The following ARAF variants were observed in gnomAD, a reference collection of about 807,000 sequenced individuals.
The protein encoded by ARAF is serine/threonine-protein kinase A-Raf.
A neutral mutation model predicts 48.0 loss-of-function variants in ARAF; 18 were observed. The ratio of observed to expected loss-of-function variants is 0.37; its 90% confidence interval spans 0.26 to 0.56. The LOEUF is 0.56. Ranked by LOEUF, ARAF falls within the 20% of genes least tolerant of loss-of-function variation. ARAF has a pLI of 0.77. For missense variants in ARAF, 389 were observed against 543.1 expected, an observed-to-expected ratio of 0.72 and a Z score of 2.82; for synonymous variants, 207 against 220.1, an observed-to-expected ratio of 0.94 and a Z score of 0.53.
rs755898303 is a variant in ARAF, at chrX:47,569,973, C to T, written c.1500C>T (p.Tyr500=). The T allele has an allele frequency of 5.0e-5, 60 of 1,202,725 alleles. No homozygotes were observed. Among genetic ancestry groups the T allele is most frequent in the Non-Finnish European group, 6.4e-5 (57 of 892,025 alleles). The change falls in exon 14 of 16, where the codon TAC becomes TAT. Residue 500 remains tyrosine (Y), a synonymous_variant. Transcript: ENST00000377045. Reference sequence around the variant, plus strand: ...TCTATGCCTACGGGGTTGTGCTCTACGAGCTTATGACTGGCTCACTGCCTT... The same window carrying T: ...TCTATGCCTACGGGGTTGTGCTCTATGAGCTTATGACTGGCTCACTGCCTT... The part of the protein sequence containing the change: ...SDVYAYGVVL[Y]ELMTGSLPYS...
intron 6 of ARAF, 63 bp from the exon 7 acceptor site, chrX:47,566,576 G>C (rs1401265356): frequency 9.3e-7 from 1 of 1,079,554 alleles, no homozygotes. Flanking sequence ...GCTGGGGGTG[G>C]GGTGGGGGGC....
At chrX:47,571,110 AGTGTGTGTGTGTGTGT>A (rs34644595) in intron 15 of ARAF, 98 bp downstream of exon 15, 8 of 816,952 alleles carry the variant, frequency 9.8e-6, no homozygotes, top group African/African-American at 4.6e-5. Flanking sequence ...TCAGAGGTAT[AGTGTGTGTGTGTGTGT>A]GTGTGTGTGT....
chrX:47,566,671 T>C lies in ARAF; in HGVS notation c.590T>C (p.Phe197Ser). ...ACCCAGCACTGTGACCCGGAGCACTTCCCCTTCCCTGCCCCAGCCAATGCC... is the reference window on the plus strand; with the variant it reads ...ACCCAGCACTGTGACCCGGAGCACTCCCCCTTCCCTGCCCCAGCCAATGCC... Reference protein sequence around the residue: ...PRTQHCDPEHFPFPAPANAPL... With the variant: ...PRTQHCDPEHSPFPAPANAPL... Residue 197 changes from phenylalanine (F) to serine (S), a missense_variant, in exon 7 of 16, where the codon TTC becomes TCC. By Grantham distance (155) the Phe-to-Ser change is radical. Transcript: ENST00000377045. 1 of 1,183,694 alleles carries C rather than the reference T, an allele frequency of 8.4e-7. No individual in the cohort carries two copies. The highest frequency in any genetic ancestry group is 1.1e-6 in the Non-Finnish European group (1 of 880,240).
chrX:47,567,538 T>G (rs2057739163), intron 10 of ARAF, 106 bp downstream of exon 10: 1 of 892,928 alleles, frequency 1.1e-6, no homozygotes, highest in Non-Finnish European at 1.6e-6. Flanking sequence ...TGTGTTTGTG[T>G]TGTTAAACCA....
chrX:47,567,423 A>G lies in ARAF; in HGVS notation c.1067A>G (p.Gln356Arg). Residue 356 changes from glutamine to arginine, a missense_variant, in exon 10 of 16, where the codon CAG (glutamine) becomes CGG (arginine). This residue lies in a region of ARAF where 170 missense variants were observed against 281.4 expected (regional missense o/e 0.60). Transcript: ENST00000377045. ...GCCCAGGCTTTCAAGAATGAGATGC[A>G]GGTGCTCAGGTGAGGTGGCATGTGT... ...EQAQAFKNEM[Q>R]VLRKTRHVNI... 8.3e-7 allele frequency: 1 copy of G among 1,201,406 alleles called. No individual in the cohort carries two copies. Among genetic ancestry groups the G allele is most frequent in the South Asian group, 1.8e-5 (1 of 55,379 alleles).
intron 14 of ARAF, 112 bp from the exon 15 acceptor site, chrX:47,570,766 C>T (rs2858769): frequency 0.39 from 291,210 of 739,413 alleles, 41,269 homozygotes; most frequent in South Asian, 0.5. Context: ...TTGATACTGA[C>T]AGTACCCCAG....
At chrX:47,564,030 G>A (rs1451389187) in intron 3 of ARAF, among the ~76,000 whole-genome samples, 2 of 112,144 alleles carry the variant, frequency 1.8e-5, no homozygotes, top group South Asian at 3.7e-4. Flanking sequence ...CAGAATGCAC[G>A]TAATTTAAAA....
Position 47,571,565 on chromosome X carries a change from C to A in ARAF, c.*108C>A, listed in dbSNP as rs745346659. 314 of 1,030,764 alleles carry A rather than the reference C, an allele frequency of 3.0e-4. No individual in the cohort carries two copies. The highest frequency in any genetic ancestry group is 5.4e-4 in the South Asian group (22 of 40,658). 84.9% of individuals were successfully genotyped at this position (1,030,764 alleles called of 1,213,427 possible). On this transcript the variant is annotated 3_prime_UTR_variant, in exon 16 of 16. Coordinates refer to ENST00000377045, the MANE Select transcript of ARAF (RefSeq NM_001654.5). ...GCCCTGATGCTGCCTCAGGATCCCCCATTCCCCACCCTGGGAGATGAGGGG... is the reference window on the plus strand; with the variant it reads ...GCCCTGATGCTGCCTCAGGATCCCCAATTCCCCACCCTGGGAGATGAGGGG...
intron 14 of ARAF, among the ~76,000 whole-genome samples, 181 bp from the exon 15 acceptor site, chrX:47,570,697 C>T (rs1018828492): frequency 8.9e-5 from 10 of 111,760 alleles, no homozygotes; most frequent in African/African-American, 2.9e-4. Flanking sequence ...ATTTAAATCC[C>T]TCTGTTCTGA....
intron 14 of ARAF, 90 bp from the exon 15 acceptor site, chrX:47,570,788 T>A (rs2057752323): frequency 2.1e-6 from 2 of 969,124 alleles, no homozygotes; most frequent in African/African-American, 1.9e-5. Flanking sequence ...TCGCTAAAAA[T>A]GAACCTTCCA....
intron 1 of ARAF, among the ~76,000 whole-genome samples, chrX:47,561,720 C>A (rs763598942): frequency 9.2e-6 from 1 of 108,196 alleles, no homozygotes; most frequent in African/African-American, 3.4e-5. Flanking sequence ...ATCCCTCATT[C>A]AGTTTAGACC....
rs760779442 is a variant in ARAF at position 47,570,789 on chromosome X, G to T, written c.1552-89G>T. On this transcript the variant is annotated intron_variant, in intron 14 of 15. Transcript: ENST00000377045. ...GACAGTACCCCAGCTCGCTAAAAATGAACCTTCCAAGTCCCTCAATACAAA... is the reference window on the plus strand; with the variant it reads ...GACAGTACCCCAGCTCGCTAAAAATTAACCTTCCAAGTCCCTCAATACAAA... 23 of 972,217 alleles carry T rather than the reference G, an allele frequency of 2.4e-5. No individual in the cohort carries two copies. The South Asian group carries it at 5.2e-4, about 22-fold the overall frequency. The allele number at this position is 972,217 out of a possible 1,213,427, so 80.1% of individuals were successfully genotyped here.
intron 3 of ARAF, 34 bp from the exon 4 acceptor site, chrX:47,564,763 A>G: frequency 8.8e-7 from 1 of 1,137,519 alleles, no homozygotes; most frequent in Non-Finnish European, 1.2e-6. Flanking sequence ...CCCCTACCCA[A>G]CCTCCCACTC....
intron 1 of ARAF, among the ~76,000 whole-genome samples, chrX:47,561,555 T>G (rs2147901033): frequency 9.0e-6 from 1 of 111,281 alleles, no homozygotes; most frequent in African/African-American, 3.3e-5. Flanking sequence ...GATTCCGTCT[T>G]AACCCCCGCT....
intron 10 of ARAF, 42 bp from the exon 11 acceptor site, chrX:47,568,676 A>G (rs771326103): frequency 1.7e-6 from 2 of 1,188,926 alleles, no homozygotes; most frequent in Non-Finnish European, 2.3e-6. Flanking sequence ...GACAGTTGCT[A>G]TTTTTCCTCC....
At position 47,571,628 on chromosome X, in the gene ARAF, G is replaced by T; in HGVS notation, c.*171G>T. On this transcript the variant is annotated 3_prime_UTR_variant, in exon 16 of 16. Transcript: ENST00000377045. Reference sequence around the variant, plus strand: ...TTTTCCAGTTCTTCTGGAATTGGGGGACCCCCGCCAAAGACTGAGCCCCCT... The same window carrying T: ...TTTTCCAGTTCTTCTGGAATTGGGGTACCCCCGCCAAAGACTGAGCCCCCT... The T allele has an allele frequency of 1.4e-6, 1 of 709,466 alleles. No homozygotes were observed. Among genetic ancestry groups the T allele is most frequent in the Non-Finnish European group, 2.0e-6 (1 of 506,828 alleles). The allele number at this position is 709,466 out of a possible 1,213,427, so 58.5% of individuals were successfully genotyped here.
intron 2 of ARAF, 33 bp from the exon 3 acceptor site, chrX:47,563,193 A>G: frequency 1.7e-6 from 2 of 1,184,733 alleles, no homozygotes; most frequent in Non-Finnish European, 2.3e-6. Flanking sequence ...TCTGTTGGGC[A>G]TTGAGGACCC....
chrX:47,565,500 G>A, intron 6 of ARAF, 150 bp downstream of exon 6: 3 of 926,974 alleles, frequency 3.2e-6, no homozygotes, highest in Non-Finnish European at 4.3e-6. Flanking sequence ...TGGGACCTTG[G>A]GCAAGTCACC....
intron 1 of ARAF, among the ~76,000 whole-genome samples, chrX:47,562,525 G>T (rs2057714431): frequency 9.5e-6 from 1 of 105,662 alleles, no homozygotes; most frequent in African/African-American, 3.5e-5. Context: ...AAAAACCCAG[G>T]ACATTCTGTT....
Sources: gnomAD v4.1 joint callset for allele counts (sites outside exome capture counted in the v4.1 genomes callset) on GRCh38, gnomAD v4.1.1 for gene constraint, gnomAD v4.1.1 regional missense constraint, MANE v1.5 for transcripts, NCBI Gene and HGNC (gene_info 2026-07-23, HGNC 2026-07-21) for gene names.